Variants in PSG7 observed in about 807,000 individuals in gnomAD.
The protein encoded by PSG7 is pregnancy specific beta-1-glycoprotein 7, also known as pregnancy-specific beta-1-glycoprotein 7.
PSG7 carries 57 observed loss-of-function variants against 45.6 expected under a neutral mutation model. That is an observed-to-expected ratio of 1.25 (90% CI 1.01 to 1.56). The LOEUF is 1.56. Ranked by LOEUF, PSG7 falls within the 40% of genes most tolerant of loss-of-function variation. PSG7 has a pLI of 0.00. For synonymous variants in PSG7, 298 were observed against 194.4 expected, an observed-to-expected ratio of 1.53 and a Z score of -4.43; for missense variants, 796 against 508.4, an observed-to-expected ratio of 1.57 and a Z score of -5.44.
At position 42,935,724 on chromosome 19, in the gene PSG7, G is replaced by C; in HGVS notation, c.110C>G (p.Thr37Arg). ...FWNPPTTAQVTIEAQPPKVSE... is the reference protein window; with the variant it reads ...FWNPPTTAQVRIEAQPPKVSE... ...AACTTTTGGTGGCTGGGCTTCAATC[G>C]TGACTTGGGCTGTGGTGGGCGGGTT... The change falls in exon 2 of 6, where the codon ACG (threonine) becomes AGG (arginine). Residue 37 changes from threonine (T) to arginine (R), a missense_variant. Transcript: ENST00000406070. The C allele has an allele frequency of 6.2e-7, 1 of 1,611,776 alleles. No homozygotes were observed.
chr19:42,935,283 C>G, intron 2 of PSG7, 121 bp downstream of exon 2: 1 of 1,489,182 alleles, frequency 6.7e-7, no homozygotes, highest in Non-Finnish European at 9.2e-7. Context: ...ATGCCCAAAC[C>G]CCAGCATGGG....
In PSG7 at chr19:42,929,483, A is replaced by C. The variant is rs1471732447; in HGVS notation, c.668T>G (p.Val223Gly). Residue 223 changes from valine (V) to glycine (G), a missense_variant, in exon 3 of 6, where the codon GTG becomes GGG. Transcript: ENST00000406070. Reference sequence around the variant, plus strand: ...GACTGGGTCACTGCGGCTGGCACTCACTGGGTTCCGTATTTCACATTCATA... The same window carrying C: ...GACTGGGTCACTGCGGCTGGCACTCCCTGGGTTCCGTATTTCACATTCATA... ...GPYECEIRNP[V>G]SASRSDPVTL... is the part of the protein sequence containing the mutation. The C allele has an allele frequency of 6.8e-6, 11 of 1,612,630 alleles. No homozygotes were observed. The Admixed American group carries it at 8.3e-5, about 12-fold the overall frequency.
Position 42,926,688 on chromosome 19 carries a change from G to A in PSG7, c.738C>T (p.Ile246=). Residue 246 remains isoleucine, a synonymous_variant, in exon 4 of 6, where the codon ATC becomes ATT. Transcript: ENST00000406070. ...TATTCTCCCTGGGGTTTAAGTTATTGATGGTGATGTAGGGCTTGGGCAGCT... is the reference window on the plus strand; with the variant it reads ...TATTCTCCCTGGGGTTTAAGTTATTAATGGTGATGTAGGGCTTGGGCAGCT... ...LPKLPKPYIT[I]NNLNPRENKD... is the part of the protein sequence containing the mutation. 4 of 1,610,432 alleles carry A rather than the reference G, an allele frequency of 2.5e-6. 1 individual carries two copies. The highest frequency in any genetic ancestry group is 3.4e-6 in the Non-Finnish European group (4 of 1,179,024).
intron 2 of PSG7, among the ~76,000 whole-genome samples, chr19:42,931,220 C>T (rs888047427): frequency 6.6e-6 from 1 of 151,572 alleles, no homozygotes; most frequent in African/African-American, 2.4e-5. Context: ...GAAATTTTTA[C>T]TGATGGTCCA....
At chr19:42,935,076 C>G (rs1235299265) in intron 2 of PSG7, among the ~76,000 whole-genome samples, 1 of 151,644 alleles carries the variant, frequency 6.6e-6, no homozygotes, top group Non-Finnish European at 1.5e-5. Flanking sequence ...AGGCCAAGCC[C>G]TACTCAGTTT....
In PSG7 at chr19:42,932,213, C is replaced by G. The variant is rs573551742; in HGVS notation, c.431-2493G>C. On this transcript the variant is annotated intron_variant, in intron 2 of 5. Coordinates refer to ENST00000406070, the MANE Select transcript of PSG7 (RefSeq NM_002783.3). Reference sequence around the variant, plus strand: ...TAATTTTTTGTATTTTTAGTAGAGACGGGGTTTCACCATGTTAGCCAGGAT... The same window carrying G: ...TAATTTTTTGTATTTTTAGTAGAGAGGGGGTTTCACCATGTTAGCCAGGAT... Among the ~76,000 whole-genome samples, 137 of 151,380 alleles carry G rather than the reference C, an allele frequency of 9.1e-4. 2 individuals are homozygous for G. Among genetic ancestry groups the G allele is most frequent in the African/African-American group, 3.0e-3 (124 of 41,218 alleles).
intron 3 of PSG7, among the ~76,000 whole-genome samples, chr19:42,927,984 T>C (rs1425737412): frequency 4.6e-5 from 7 of 151,742 alleles, no homozygotes; most frequent in African/African-American, 1.2e-4. Context: ...ATCTGATAGA[T>C]TCAAAGTCTA....
Position 42,929,713 on chromosome 19 carries a change from A to G in PSG7, c.438T>C (p.Thr146=), listed in dbSNP as rs748419712. ...GRFTFTLYLE[T]PKPSISSSNF... ...TGCTGCTGGAGATGGAGGGTTTGGGAGTCTCCACTGTGCGGAAAACAGAGA... is the reference window on the plus strand; with the variant it reads ...TGCTGCTGGAGATGGAGGGTTTGGGGGTCTCCACTGTGCGGAAAACAGAGA... Residue 146 remains threonine, a synonymous_variant, in exon 3 of 6, where the codon ACT becomes ACC. Transcript: ENST00000406070. The G allele has an allele frequency of 6.2e-7, 1 of 1,611,724 alleles. No homozygotes were observed. Among genetic ancestry groups the G allele is most frequent in the Admixed American group, 1.7e-5 (1 of 59,850 alleles).
In PSG7 at chr19:42,934,940, C is replaced by A. The variant is rs577482079; in HGVS notation, c.430+464G>T. ...AATTCTTAGTCCCAGTAAGCCCTGC[C>A]CAAGAAACCATAACCCAGTCCTGGC... On this transcript the variant is annotated intron_variant, in intron 2 of 5. Coordinates refer to ENST00000406070, the MANE Select transcript of PSG7 (RefSeq NM_002783.3). Among the ~76,000 whole-genome samples the A allele has an allele frequency of 1.1e-4, 17 of 151,704 alleles. 1 individual carries two copies. Among genetic ancestry groups the A allele is most frequent in the African/African-American group, 4.1e-4 (17 of 41,364 alleles).
rs1972487456 is a variant in PSG7 at position 42,924,674 on chromosome 19, C to A, written c.*134G>T. 3 of 758,496 alleles carry A rather than the reference C, an allele frequency of 4.0e-6. No homozygotes were observed. The highest frequency in any genetic ancestry group is 1.7e-5 in the African/African-American group (1 of 58,530). 47.0% of individuals were successfully genotyped at this position (758,496 alleles called of 1,614,324 possible). On this transcript the variant is annotated 3_prime_UTR_variant, in exon 6 of 6. Coordinates refer to ENST00000406070, the MANE Select transcript of PSG7 (RefSeq NM_002783.3). ...TTTGGTGAGTTCTGAGTGGCTCAGA[C>A]ATCAGGTACAAGGATTTTCCCATGA... is the stretch of plus-strand genomic sequence containing the variant.
chr19:42,937,129 A>AAC lies in PSG7; in HGVS notation c.-54_-53insGT, dbSNP rs1973169864. 2 of 1,592,660 alleles carry AAC rather than the reference A, an allele frequency of 1.3e-6. 1 individual carries two copies. Among genetic ancestry groups the AAC allele is most frequent in the Non-Finnish European group, 1.7e-6 (2 of 1,165,296 alleles). On this transcript the variant is annotated 5_prime_UTR_variant, in exon 1 of 6. Coordinates refer to ENST00000406070, the MANE Select transcript of PSG7 (RefSeq NM_002783.3). ...TGTGGAGATGAGCCTAGGATCCAGA[A>AAC]TCTTCCTGAGCACGGCTGTCAGCTG...
At chr19:42,935,873 G>GACACACAC (rs60833164) in intron 1 of PSG7, 104 bp from the exon 2 acceptor site, 14,998 of 726,390 alleles carry the variant, frequency 0.021, 153 homozygotes, top group Admixed American at 0.025. Flanking sequence ...CAGCCTTGAA[G>GACACACAC]ACACACACAC....
In PSG7 at chr19:42,929,601, C is replaced by T. The variant is rs1212227495; in HGVS notation, c.550G>A (p.Gly184Ser). Residue 184 changes from glycine to serine, a missense_variant, in exon 3 of 6, where the codon GGT becomes AGT. By Grantham distance (56) the Gly-to-Ser change is moderately conservative. Transcript: ENST00000406070. The stretch of plus-strand genomic sequence containing the variant: ...CTGTGAGTCATAGGGAGGCTCTGAC[C>T]ATTCATCCACCACAGGTAGCTTGCA... ...PDASYLWWMN[G>S]QSLPMTHSLQ... 1.9e-6 allele frequency: 3 copies of T among 1,612,468 alleles called. No homozygotes were observed. The highest frequency in any genetic ancestry group is 2.7e-5 in the African/African-American group (2 of 74,656).
At position 42,929,632 on chromosome 19, in the gene PSG7, A is replaced by C. The variant is rs1326227049; in HGVS notation, c.519T>G (p.Thr173=). 1 of 1,612,538 alleles carries C rather than the reference A, an allele frequency of 6.2e-7. No homozygotes were observed. Among genetic ancestry groups the C allele is most frequent in the South Asian group, 1.1e-5 (1 of 90,844 alleles). ...TCCACCACAGGTAGCTTGCATCTGGAGTCTCAGGATCACAGGTTAAAATCA... is the reference window on the plus strand; with the variant it reads ...TCCACCACAGGTAGCTTGCATCTGGCGTCTCAGGATCACAGGTTAAAATCA... ...EAVILTCDPE[T]PDASYLWWMN... is the part of the protein sequence containing the mutation. The change falls in exon 3 of 6, where the codon ACT becomes ACG. Residue 173 remains threonine, a synonymous_variant. Coordinates refer to ENST00000406070, the MANE Select transcript of PSG7 (RefSeq NM_002783.3).
rs1972867844 is a variant in PSG7, at chr19:42,925,760, G to A, written c.1243+13C>T. 2 of 1,611,900 alleles carry A rather than the reference G, an allele frequency of 1.2e-6. No individual in the cohort carries two copies. Among genetic ancestry groups the A allele is most frequent in the East Asian group, 4.5e-5 (2 of 44,798 alleles). ...CTAAAACCCTATTGCCAAGGATGCT[G>A]GGATCCACTTACCAGAGACTCTGAC... On this transcript the variant is annotated intron_variant, in intron 5 of 5. Transcript: ENST00000406070.
intron 2 of PSG7, among the ~76,000 whole-genome samples, chr19:42,932,481 G>A (rs1261684210): frequency 6.6e-6 from 1 of 151,546 alleles, no homozygotes; most frequent in Non-Finnish European, 1.5e-5. Context: ...GGTTGAGAAT[G>A]GAGTCACGAG....
intron 2 of PSG7, among the ~76,000 whole-genome samples, 162 bp from the exon 3 acceptor site, chr19:42,929,882 G>A (rs772029621): frequency 6.6e-5 from 10 of 151,518 alleles, no homozygotes; most frequent in Admixed American, 2.0e-4. Context: ...GCAATCTGAG[G>A]GCTCAGAGAT....
At chr19:42,928,901 T>C (rs1195550479) in intron 3 of PSG7, among the ~76,000 whole-genome samples, 1 of 151,528 alleles carries the variant, frequency 6.6e-6, no homozygotes, top group South Asian at 2.1e-4. Context: ...AAAGAACACT[T>C]GTACTGATTG....
intron 2 of PSG7, 73 bp from the exon 3 acceptor site, chr19:42,929,793 G>C: frequency 6.5e-7 from 1 of 1,549,616 alleles, no homozygotes; most frequent in Admixed American, 1.8e-5. Flanking sequence ...TTCAATCAGA[G>C]TTGGCATTTC....
Sources: allele counts gnomAD v4.1 joint callset (sites outside exome capture counted in the v4.1 genomes callset), GRCh38; gene constraint gnomAD v4.1.1; transcripts MANE v1.5; gene names NCBI Gene and HGNC (gene_info 2026-07-23, HGNC 2026-07-21).